Variants in TPO observed in about 807,000 individuals in gnomAD.
TPO encodes the protein thyroid microsomal antigen.
TPO carries 78 observed loss-of-function variants against 96.9 expected under a neutral mutation model. The observed-to-expected ratio is 0.81, with a 90% CI of 0.67 to 0.97. The LOEUF is 0.97. Ranked by LOEUF, TPO falls within the 50% of genes least tolerant of loss-of-function variation. TPO has a pLI of 0.00. For synonymous variants in TPO, 547 were observed against 538.0 expected (o/e 1.02, Z -0.23); for missense variants, 1,252 against 1,274.8 (o/e 0.98, Z 0.27).
At chr2:1,509,532 C>T (rs1364795039) in intron 14 of TPO, among the ~76,000 whole-genome samples, 3 of 151,452 alleles carry the variant, frequency 2.0e-5, no homozygotes, top group African/African-American at 4.9e-5. Context: ...GTTTCAGGCA[C>T]AGGATACCCT....
chr2:1,493,674 A>T, intron 10 of TPO, 128 bp from the exon 11 acceptor site: 1 of 1,096,150 alleles, frequency 9.1e-7, no homozygotes, highest in Non-Finnish European at 1.4e-6. Context: ...ACTGCCAGGC[A>T]GTGTCACAGG....
rs571510619 is a variant in TPO at position 1,519,520 on chromosome 2, T to A, written c.2618+2538T>A. ...TTTGGAAAGAGAGTACTTTAACCTT[T>A]AAATGGTGTCTCTAGTTTTAGATGG... On this transcript the variant is annotated intron_variant, in intron 15 of 16. Coordinates refer to ENST00000329066, the MANE Select transcript of TPO (RefSeq NM_001206744.2). Among the ~76,000 whole-genome samples the A allele has an allele frequency of 2.0e-5, 3 of 152,338 alleles. No homozygotes were observed. In the South Asian group the frequency reaches 6.2e-4, roughly 32 times the overall value.
chr2:1,431,579 TCAAA>T (rs1216361550), intron 3 of TPO, among the ~76,000 whole-genome samples: 1 of 152,196 alleles, frequency 6.6e-6, no homozygotes, highest in Non-Finnish European at 1.5e-5. Context: ...ATCACTACCG[TCAAA>T]CAAAGTTAAC....
intron 15 of TPO, 138 bp downstream of exon 15, chr2:1,517,120 A>G: frequency 1.2e-6 from 1 of 864,892 alleles, no homozygotes; most frequent in Non-Finnish European, 1.9e-6. Flanking sequence ...TCTCAGAGCT[A>G]TTTTGTACAA....
rs1379392809 is a variant in TPO at position 1,414,371 on chromosome 2, C to T, written c.-1-37C>T. On this transcript the variant is annotated intron_variant, in intron 1 of 16. Coordinates refer to ENST00000329066, the MANE Select transcript of TPO (RefSeq NM_001206744.2). ...AGCGGTTCCCATGGCCTTGTCAGTGCTTGATTACATACTCTGTCTCCTTCC... is the reference window on the plus strand; with the variant it reads ...AGCGGTTCCCATGGCCTTGTCAGTGTTTGATTACATACTCTGTCTCCTTCC... 4.4e-6 allele frequency: 7 copies of T among 1,592,862 alleles called. No individual in the cohort carries two copies. The East Asian group carries it at 1.3e-4, about 31-fold the overall frequency.
intron 2 of TPO, among the ~76,000 whole-genome samples, chr2:1,422,344 C>CGACCTCGTGCAGGCGCCGCGCTGGACT (rs1663733153): frequency 7.7e-5 from 6 of 77,622 alleles, no homozygotes; most frequent in African/African-American, 1.9e-4. Context: ...TCTCCTGGAC[C>CGACCTCGTGCAGGCGCCGCGCTGGACT]GACCTCGTGC....
Position 1,492,776 on chromosome 2 carries a change from C to T in TPO, c.1769-1026C>T, listed in dbSNP as rs1461504724. Among the ~76,000 whole-genome samples the T allele has an allele frequency of 2.0e-5, 3 of 152,192 alleles. No homozygotes were observed. In the East Asian group the frequency reaches 5.8e-4, roughly 29 times the overall value. On this transcript the variant is annotated intron_variant, in intron 10 of 16. Transcript: ENST00000329066. ...CTGGGAGCCTGTGGTGGGCAGGGCG[C>T]TGAGAGTAGAACCAGACAGTCTTAG...
intron 5 of TPO, among the ~76,000 whole-genome samples, chr2:1,442,765 C>T (rs1417450069): frequency 6.6e-6 from 1 of 152,172 alleles, no homozygotes; most frequent in African/African-American, 2.4e-5. Context: ...GATAGTGATG[C>T]TCATTTCTAG....
At chr2:1,408,035 A>T (rs572591557) in intron 1 of TPO, among the ~76,000 whole-genome samples, 59 of 152,330 alleles carry the variant, frequency 3.9e-4, no homozygotes, top group African/African-American at 1.3e-3. Flanking sequence ...GGAACCAGGG[A>T]TTCTTCACAC....
At chr2:1,429,708 C>T (rs550380858) in intron 3 of TPO, among the ~76,000 whole-genome samples, 18 of 152,288 alleles carry the variant, frequency 1.2e-4, no homozygotes, top group African/African-American at 4.3e-4. Context: ...TATGCCTCAG[C>T]AAAGAGCTTG....
intron 3 of TPO, among the ~76,000 whole-genome samples, chr2:1,431,381 T>C (rs1664963388): frequency 1.3e-5 from 2 of 152,252 alleles, no homozygotes; most frequent in Admixed American, 6.5e-5. Flanking sequence ...CCTGGGTCCA[T>C]GTTTGCACAG....
intron 1 of TPO, among the ~76,000 whole-genome samples, chr2:1,376,395 G>GA (rs1661722979): frequency 6.6e-6 from 1 of 152,210 alleles, no homozygotes; most frequent in Non-Finnish European, 1.5e-5. Context: ...ACGTTATGAA[G>GA]AAACTATTTT....
intron 15 of TPO, among the ~76,000 whole-genome samples, chr2:1,526,788 C>T (rs35043612): frequency 1.8e-5 from 1 of 56,084 alleles, no homozygotes; most frequent in Non-Finnish European, 3.7e-5. Flanking sequence ...CCCCCCCAAT[C>T]TATGCAACCT....
At chr2:1,376,708 C>T (rs1395163757) in intron 1 of TPO, among the ~76,000 whole-genome samples, 1 of 152,102 alleles carries the variant, frequency 6.6e-6, no homozygotes, top group Non-Finnish European at 1.5e-5. Flanking sequence ...TCACACCACC[C>T]CTTTCTCCTG....
chr2:1,405,812 A>G (rs183774181), intron 1 of TPO, among the ~76,000 whole-genome samples: 9 of 152,310 alleles, frequency 5.9e-5, no homozygotes, highest in African/African-American at 1.9e-4. Context: ...AGAAGTTCTC[A>G]GTAATTATTT....
At chr2:1,510,412 G>C (rs1452903021) in intron 14 of TPO, among the ~76,000 whole-genome samples, 3 of 152,146 alleles carry the variant, frequency 2.0e-5, no homozygotes, top group Admixed American at 2.0e-4. Context: ...CCTGTCAGAT[G>C]GCTCCATGGG....
chr2:1,456,324 G>C (rs373820195), intron 7 of TPO, 42 bp downstream of exon 7: 12 of 1,598,926 alleles, frequency 7.5e-6, no homozygotes, highest in Non-Finnish European at 1.0e-5. Flanking sequence ...ATGAAACTAA[G>C]TGCTATTTAA....
intron 15 of TPO, among the ~76,000 whole-genome samples, chr2:1,535,416 T>TACTGTGTGCAACCTCCCCAAATCCCCCC (rs1679392056): frequency 2.3e-4 from 2 of 8,690 alleles, no homozygotes; most frequent in Non-Finnish European, 4.1e-4. Flanking sequence ...CAAATCCCCC[T>TACTGTGTGCAACCTCCCCAAATCCCCCC]ACTGTGTGCA....
intron 5 of TPO, among the ~76,000 whole-genome samples, chr2:1,446,505 G>A (rs193070969): frequency 1.2e-3 from 187 of 152,280 alleles, no homozygotes; most frequent in Non-Finnish European, 1.8e-3. Flanking sequence ...CTTGAGGGGA[G>A]GGTGGCATTT....
Sources: allele counts gnomAD v4.1 joint callset (sites outside exome capture counted in the v4.1 genomes callset), GRCh38; gene constraint gnomAD v4.1.1; transcripts MANE v1.5; gene names NCBI Gene and HGNC (gene_info 2026-07-23, HGNC 2026-07-21).